The following COL19A1 variants were observed in gnomAD, a reference collection of about 807,000 sequenced individuals.
COL19A1 encodes the protein collagen type XIX alpha 1 chain, also known as collagen alpha-1(XIX) chain.
COL19A1 carries 159 observed loss-of-function variants against 190.2 expected under a neutral mutation model. The observed-to-expected ratio is 0.84, with a 90% CI of 0.73 to 0.95. COL19A1 has a LOEUF of 0.95. COL19A1 is among the 40% of genes least tolerant of loss of function. COL19A1 has a pLI of 0.00. For synonymous variants in COL19A1, 509 were observed against 458.9 expected, an observed-to-expected ratio of 1.11 and a Z score of -1.39; for missense variants, 1,418 against 1,431.9, an observed-to-expected ratio of 0.99 and a Z score of 0.16.
At chr6:70,093,853 A>G (rs1339371553) in intron 15 of COL19A1, among the ~76,000 whole-genome samples, 1 of 152,168 alleles carries the variant, frequency 6.6e-6, no homozygotes, top group African/African-American at 2.4e-5. Context: ...TTAGTTACAG[A>G]TAGAGTCCAT....
At chr6:69,921,511 T>TATATATTCATATATATTC (rs1561998779) in intron 4 of COL19A1, among the ~76,000 whole-genome samples, 2 of 100,394 alleles carry the variant, frequency 2.0e-5, no homozygotes, top group African/African-American at 8.2e-5. Flanking sequence ...TATATATTCA[T>TATATATTCATATATATTC]ATGTATATTC....
In COL19A1 at chr6:70,171,964, G is replaced by A; in HGVS notation, c.2569G>A (p.Gly857Arg). The change falls in exon 41 of 51, where the codon GGA becomes AGA. Residue 857 changes from glycine (G) to arginine (R), a missense_variant and splice_region_variant. Gly to Arg is a moderately radical substitution (Grantham distance 125). Transcript: ENST00000620364. The stretch of plus-strand genomic sequence containing the variant: ...CATTTCTTATGTTCATATTTAACAG[G>A]GAGAGCCTGGTGCAATGGGGTTGCC... ...PGPKGDPGPV[G>R]EPGAMGLPGL... 1 of 1,612,668 alleles carries A rather than the reference G, an allele frequency of 6.2e-7. No individual in the cohort carries two copies. The highest frequency in any genetic ancestry group is 8.5e-7 in the Non-Finnish European group (1 of 1,179,328).
intron 4 of COL19A1, 34 bp downstream of exon 4, chr6:69,900,372 ATACT>A (rs747043350): frequency 1.8e-6 from 2 of 1,099,032 alleles, no homozygotes; most frequent in Non-Finnish European, 1.3e-6. Context: ...ATGTTTAATA[ATACT>A]TCATAAATTA....
At chr6:70,203,837 A>G (rs148564650) in intron 49 of COL19A1, among the ~76,000 whole-genome samples, 16 of 151,822 alleles carry the variant, frequency 1.1e-4, no homozygotes, top group Non-Finnish European at 1.5e-4. Flanking sequence ...CATGAGCTGC[A>G]GTTTTATCAA....
At chr6:69,978,310 T>C (rs1775841699) in intron 11 of COL19A1, among the ~76,000 whole-genome samples, 2 of 152,072 alleles carry the variant, frequency 1.3e-5, no homozygotes, top group South Asian at 4.1e-4. Context: ...GAGATAATGT[T>C]TTGCATTTTA....
intron 4 of COL19A1, among the ~76,000 whole-genome samples, chr6:69,923,970 GTCCAGAAAAGTGAC>G (rs1488527414): frequency 6.6e-6 from 1 of 152,118 alleles, no homozygotes; most frequent in Non-Finnish European, 1.5e-5. Flanking sequence ...TACAGAATTT[GTCCAGAAAAGTGAC>G]TAAGCAAATA....
chr6:70,168,510 TC>T, intron 39 of COL19A1, 144 bp from the exon 40 acceptor site: 1 of 690,434 alleles, frequency 1.4e-6, no homozygotes. Flanking sequence ...TATTTATTCA[TC>T]TTATTCTTCA....
chr6:69,886,546 C>G (rs938156636), intron 2 of COL19A1, among the ~76,000 whole-genome samples: 3 of 151,852 alleles, frequency 2.0e-5, no homozygotes, highest in South Asian at 2.1e-4. Context: ...TTCATTGCAA[C>G]GTTATTCACA....
At position 69,936,875 on chromosome 6, in the gene COL19A1, G is replaced by C. The variant is rs371512552; in HGVS notation, c.838G>C (p.Glu280Gln). The change falls in exon 8 of 51, where the codon GAA becomes CAA. Residue 280 changes from glutamate to glutamine, a missense_variant. Coordinates refer to ENST00000620364, the MANE Select transcript of COL19A1 (RefSeq NM_001858.6). ...KMSSYLPAKQ[E>Q]LKDQCQCIPN... ...GTCTTCATATCTGCCAGCAAAGCAG[G>C]AACTTAAAGACCAGTGCCAGTGCAT... is the stretch of plus-strand genomic sequence containing the variant. 75 of 1,612,988 alleles carry C rather than the reference G, an allele frequency of 4.6e-5. 2 individuals are homozygous for C. The highest frequency in any genetic ancestry group is 3.7e-4 in the Admixed American group (22 of 59,932).
At chr6:69,992,062 T>G (rs1050802223) in intron 11 of COL19A1, among the ~76,000 whole-genome samples, 4 of 152,172 alleles carry the variant, frequency 2.6e-5, no homozygotes, top group African/African-American at 9.7e-5. Context: ...TAATTCATCT[T>G]AAGTTGATTT....
At chr6:70,195,481 G>T (rs1399801975) in intron 48 of COL19A1, among the ~76,000 whole-genome samples, 1 of 152,110 alleles carries the variant, frequency 6.6e-6, no homozygotes, top group African/African-American at 2.4e-5. Context: ...TCCATTTCCT[G>T]CCTGGCTGTG....
intron 2 of COL19A1, among the ~76,000 whole-genome samples, chr6:69,886,735 C>A (rs922589968): frequency 2.0e-5 from 3 of 151,916 alleles, no homozygotes; most frequent in African/African-American, 7.3e-5. Flanking sequence ...ATATTTGAGT[C>A]TTTTCTGTAG....
chr6:70,086,143 G>T (rs1294814117), intron 15 of COL19A1, among the ~76,000 whole-genome samples: 1 of 151,788 alleles, frequency 6.6e-6, no homozygotes, highest in Non-Finnish European at 1.5e-5. Flanking sequence ...TATAATAAAT[G>T]GCCCTATACT....
chr6:70,074,607 A>G (rs1781766280), intron 15 of COL19A1, among the ~76,000 whole-genome samples: 1 of 152,124 alleles, frequency 6.6e-6, no homozygotes, highest in Non-Finnish European at 1.5e-5. Context: ...TGTTCCAATG[A>G]AATGATTTCA....
At chr6:69,951,879 C>T (rs548460531) in intron 9 of COL19A1, among the ~76,000 whole-genome samples, 28 of 151,848 alleles carry the variant, frequency 1.8e-4, no homozygotes, top group Non-Finnish European at 3.7e-4. Flanking sequence ...GGATTTGAAC[C>T]TCTATCCATG....
intron 12 of COL19A1, among the ~76,000 whole-genome samples, chr6:70,025,835 G>A (rs1778704348): frequency 6.6e-6 from 1 of 152,230 alleles, no homozygotes; most frequent in Admixed American, 6.5e-5. Context: ...AATAACAGAT[G>A]TGGAAGGGAA....
chr6:69,913,755 A>T (rs1771112578), intron 4 of COL19A1, among the ~76,000 whole-genome samples: 1 of 152,046 alleles, frequency 6.6e-6, no homozygotes, highest in African/African-American at 2.4e-5. Flanking sequence ...TCATATTTTA[A>T]AAAAAAGTGG....
Position 70,089,301 on chromosome 6 carries a change from T to C in COL19A1, c.1225-12868T>C, listed in dbSNP as rs144864446. Among the ~76,000 whole-genome samples, 254 of 152,294 alleles carry C rather than the reference T, an allele frequency of 1.7e-3. 2 individuals are homozygous for C. The highest frequency in any genetic ancestry group is 5.8e-3 in the African/African-American group (242 of 41,572). On this transcript the variant is annotated intron_variant, in intron 15 of 50. Coordinates refer to ENST00000620364, the MANE Select transcript of COL19A1 (RefSeq NM_001858.6). The stretch of plus-strand genomic sequence containing the variant: ...TGATCCAAGATAAGGGCTTTTTTTC[T>C]TTCATTAACCCCTCAAGGCTCTCAT...
chr6:70,033,827 G>T (rs1279978452), intron 12 of COL19A1, among the ~76,000 whole-genome samples: 1 of 151,996 alleles, frequency 6.6e-6, no homozygotes, highest in African/African-American at 2.4e-5. Context: ...TCTTGATAGA[G>T]ACATAAAAAT....
Sources: gnomAD v4.1 joint callset for allele counts (sites outside exome capture counted in the v4.1 genomes callset) on GRCh38, gnomAD v4.1.1 for gene constraint, MANE v1.5 for transcripts, NCBI Gene and HGNC (gene_info 2026-07-23, HGNC 2026-07-21) for gene names.